Variants in PCDH7 observed in about 807,000 individuals in gnomAD.
The protein encoded by PCDH7 is protocadherin 7.
PCDH7 carries 17 observed loss-of-function variants against 58.9 expected under a neutral mutation model. The ratio of observed to expected loss-of-function variants is 0.29; its 90% CI spans 0.20 to 0.43. The LOEUF is 0.43. Ranked by LOEUF, PCDH7 falls within the 20% of genes least tolerant of loss-of-function variation. The pLI is 1.00. For synonymous variants in PCDH7, 664 were observed against 616.4 expected, an observed-to-expected ratio of 1.08 and a Z score of -1.14; for missense variants, 1,274 against 1,441.0, an observed-to-expected ratio of 0.88 and a Z score of 1.88.
intron 1 of PCDH7, among the ~76,000 whole-genome samples, chr4:30,909,138 T>C (rs1339426364): frequency 6.6e-6 from 1 of 152,120 alleles, no homozygotes; most frequent in Non-Finnish European, 1.5e-5. Context: ...CACCCCTTCA[T>C]GCTAAAAACA....
At chr4:30,804,835 A>T (rs759991035) in intron 1 of PCDH7, among the ~76,000 whole-genome samples, 7 of 152,202 alleles carry the variant, frequency 4.6e-5, no homozygotes, top group Non-Finnish European at 7.4e-5. Flanking sequence ...ACCTCCAGTG[A>T]TACCCCCTTA....
chr4:30,798,293 A>G (rs1043859338), intron 1 of PCDH7, among the ~76,000 whole-genome samples: 2 of 152,222 alleles, frequency 1.3e-5, no homozygotes, highest in Non-Finnish European at 2.9e-5. Flanking sequence ...ATGACGGCAC[A>G]GAGGAAGCAC....
chr4:30,871,852 C>T (rs1735642656), intron 1 of PCDH7, among the ~76,000 whole-genome samples: 1 of 152,026 alleles, frequency 6.6e-6, no homozygotes. Context: ...ATGGTGGTGA[C>T]CCATCAATCC....
At chr4:30,917,639 C>A (rs930435108) in intron 1 of PCDH7, among the ~76,000 whole-genome samples, 1 of 151,504 alleles carries the variant, frequency 6.6e-6, no homozygotes, top group Admixed American at 6.6e-5. Context: ...AAAATTATGC[C>A]ATTTTTACTT....
chr4:30,867,162 T>G lies in PCDH7; in HGVS notation c.71-52991T>G, dbSNP rs540878650. Among the ~76,000 whole-genome samples, 27 of 152,174 alleles carry G rather than the reference T, an allele frequency of 1.8e-4. No individual in the cohort carries two copies. In the East Asian group the frequency reaches 4.1e-3, roughly 23 times the overall value. On this transcript the variant is annotated intron_variant, in intron 1 of 3. Coordinates refer to the PCDH7 transcript ENST00000509759. Reference sequence around the variant, plus strand: ...TCCATGGATCAGAGCTCTCTGTGACTTCCCAGAAATGTAAACCACAGATGG... The same window carrying G: ...TCCATGGATCAGAGCTCTCTGTGACGTCCCAGAAATGTAAACCACAGATGG...
At chr4:30,948,732 T>A (rs1023304424) in intron 2 of PCDH7, among the ~76,000 whole-genome samples, 1 of 152,142 alleles carries the variant, frequency 6.6e-6, no homozygotes, top group African/African-American at 2.4e-5. Context: ...TTGATGTTAA[T>A]CTCTTATGAC....
intron 1 of PCDH7, among the ~76,000 whole-genome samples, chr4:30,896,545 T>C (rs1739410719): frequency 6.6e-6 from 1 of 152,138 alleles, no homozygotes; most frequent in African/African-American, 2.4e-5. Flanking sequence ...TTATAACCTT[T>C]TTTCTTTTTT....
intron 1 of PCDH7, among the ~76,000 whole-genome samples, chr4:30,824,087 CTTTCTT>C (rs1728731854): frequency 5.1e-5 from 1 of 19,558 alleles, no homozygotes; most frequent in Non-Finnish European, 9.6e-5. Context: ...TCTTTTCTTT[CTTTCTT>C]TCTTTCTTTC....
chr4:30,806,153 C>T (rs1043316931), intron 1 of PCDH7, among the ~76,000 whole-genome samples: 2 of 152,084 alleles, frequency 1.3e-5, no homozygotes, highest in African/African-American at 4.8e-5. Flanking sequence ...CCTTCAGTGG[C>T]TGTTGATCAC....
At chr4:31,141,406 A>G (rs931931824) in intron 3 of PCDH7, among the ~76,000 whole-genome samples, 1 of 152,236 alleles carries the variant, frequency 6.6e-6, no homozygotes, top group Admixed American at 6.5e-5. Context: ...ACAATAAAAC[A>G]TTTTAAATAA....
intron 1 of PCDH7, among the ~76,000 whole-genome samples, chr4:30,778,907 T>C (rs1282274275): frequency 6.6e-6 from 1 of 151,936 alleles, no homozygotes; most frequent in Non-Finnish European, 1.5e-5. Flanking sequence ...TGCAATGTTA[T>C]ATTGAACATG....
chr4:30,870,893 G>A (rs1327947429), intron 1 of PCDH7, among the ~76,000 whole-genome samples: 1 of 152,026 alleles, frequency 6.6e-6, no homozygotes, highest in Non-Finnish European at 1.5e-5. Flanking sequence ...GCACATTGCG[G>A]CACCTGTAAA....
chr4:30,938,981 G>C (rs539990476), intron 2 of PCDH7, among the ~76,000 whole-genome samples: 1 of 152,116 alleles, frequency 6.6e-6, no homozygotes, highest in South Asian at 2.1e-4. Flanking sequence ...ATATATTTTA[G>C]AGTATTTCAA....
exon 2 of PCDH7, chr4:30,730,803 T>TG: frequency 6.2e-7 from 1 of 1,608,044 alleles, no homozygotes; most frequent in Non-Finnish European, 8.5e-7. Context: ...CACTCTAATA[T>TG]GATGCTCCAT....
chr4:30,934,762 T>TA (rs1578342561), intron 2 of PCDH7, among the ~76,000 whole-genome samples: 1 of 152,180 alleles, frequency 6.6e-6, no homozygotes, highest in East Asian at 1.9e-4. Context: ...TTTTCAGTTT[T>TA]AAAAAGTCCT....
chr4:30,860,163 A>G (rs1734016150), intron 1 of PCDH7, among the ~76,000 whole-genome samples: 1 of 152,178 alleles, frequency 6.6e-6, no homozygotes. Context: ...GGAAAATTTA[A>G]GGTACAAAGA....
At chr4:31,072,866 T>C (rs1758669184) in intron 3 of PCDH7, among the ~76,000 whole-genome samples, 1 of 152,020 alleles carries the variant, frequency 6.6e-6, no homozygotes, top group Non-Finnish European at 1.5e-5. Flanking sequence ...ATGAATAAAA[T>C]ATAGCAGCTG....
intron 1 of PCDH7, among the ~76,000 whole-genome samples, chr4:30,826,612 G>A (rs1729117830): frequency 6.6e-6 from 1 of 152,098 alleles, no homozygotes; most frequent in African/African-American, 2.4e-5. Context: ...CATCAAGAAA[G>A]TCTAGAGATT....
intron 1 of PCDH7, among the ~76,000 whole-genome samples, chr4:30,745,812 T>C (rs1191015645): frequency 1.3e-5 from 2 of 152,084 alleles, no homozygotes; most frequent in East Asian, 3.8e-4. Flanking sequence ...GCACATATAA[T>C]TTTTCTTCTA....
Sources: gnomAD v4.1 joint callset for allele counts (sites outside exome capture counted in the v4.1 genomes callset) on GRCh38, gnomAD v4.1.1 for gene constraint, MANE v1.5 for transcripts, NCBI Gene and HGNC (gene_info 2026-07-23, HGNC 2026-07-21) for gene names.